FGD6: variants seen among roughly 807,000 people sequenced by gnomAD.
FGD6 encodes the protein FYVE, RhoGEF and PH domain-containing protein 6.
A neutral mutation model predicts 149.4 loss-of-function variants in FGD6; 90 were observed. That is an observed-to-expected ratio of 0.60 (90% CI 0.51 to 0.72). FGD6 has a LOEUF of 0.72. Ranked by LOEUF, FGD6 falls within the 30% of genes least tolerant of loss-of-function variation. The pLI, the probability that FGD6 is intolerant of heterozygous loss-of-function variation, is 0.00. For synonymous variants in FGD6, 527 were observed against 584.0 expected (o/e 0.90, Z 1.41); for missense variants, 1,437 against 1,684.8 (o/e 0.85, Z 2.57).
chr12:95,211,104 C>T lies in FGD6; in HGVS notation c.180G>A (p.Lys60=). The T allele has an allele frequency of 6.2e-7, 1 of 1,614,182 alleles. No homozygotes were observed. Among genetic ancestry groups the T allele is most frequent in the Non-Finnish European group, 8.5e-7 (1 of 1,180,032 alleles). Residue 60 remains lysine, a synonymous_variant, in exon 2 of 21, where the codon AAG becomes AAA. Coordinates refer to ENST00000343958, the MANE Select transcript of FGD6 (RefSeq NM_018351.4). ...PAIAPKPKVL[K]TSPVREIGQS... ...GCCCAATCTCTCGAACAGGTGAGGT[C>T]TTCAGGACTTTTGGTTTTGGGGCTA... is the stretch of plus-strand genomic sequence containing the variant.
chr12:95,152,890 G>C lies in FGD6; in HGVS notation c.2654+36C>G, dbSNP rs201396217. ...AATGTTTTAAATGTGCCAATGGGGG[G>C]AAAACAGTCTTCTGAATTGTAAACT... is the stretch of plus-strand genomic sequence containing the variant. On this transcript the variant is annotated intron_variant, in intron 4 of 20. Coordinates refer to ENST00000343958, the MANE Select transcript of FGD6 (RefSeq NM_018351.4). 3.8e-5 allele frequency: 62 copies of C among 1,613,334 alleles called. No individual in the cohort carries two copies. The African/African-American group carries it at 7.1e-4, about 18-fold the overall frequency.
intron 6 of FGD6, among the ~76,000 whole-genome samples, chr12:95,140,961 A>G (rs1012254851): frequency 6.6e-6 from 1 of 152,118 alleles, no homozygotes; most frequent in East Asian, 1.9e-4. Context: ...ATGGTGGCTC[A>G]CACCTGTAAT....
At chr12:95,083,030 T>TATATAC (rs772685891) in intron 20 of FGD6, among the ~76,000 whole-genome samples, 44 of 56,332 alleles carry the variant, frequency 7.8e-4, no homozygotes, top group South Asian at 3.6e-3. Context: ...TATATATATA[T>TATATAC]ACACACACAT....
In FGD6 at chr12:95,113,687, G is replaced by T. The variant is rs1878910568; in HGVS notation, c.3097C>A (p.Leu1033Ile). The change falls in exon 9 of 21, where the codon CTC becomes ATC. Residue 1033 changes from leucine (L) to isoleucine (I), a missense_variant. Transcript: ENST00000343958. The part of the protein sequence containing the change: ...RLLLTDYLKN[L>I]IEDAGDYRDT... Reference sequence around the variant, plus strand: ...CTGTAATCTCCAGCATCTTCTATGAGATTCTTCAAATAATCTAGAAAAGAA... The same window carrying T: ...CTGTAATCTCCAGCATCTTCTATGATATTCTTCAAATAATCTAGAAAAGAA... The T allele has an allele frequency of 6.3e-7, 1 of 1,591,816 alleles. No homozygotes were observed. Among genetic ancestry groups the T allele is most frequent in the South Asian group, 1.1e-5 (1 of 87,884 alleles).
intron 5 of FGD6, among the ~76,000 whole-genome samples, chr12:95,148,489 TATATA>T (rs1450539683): frequency 5.6e-5 from 8 of 142,018 alleles, no homozygotes; most frequent in Non-Finnish European, 7.5e-5. Context: ...TCCAAATATA[TATATA>T]ATATAATATA....
At chr12:95,137,935 A>G (rs1879722566) in intron 6 of FGD6, among the ~76,000 whole-genome samples, 2 of 152,008 alleles carry the variant, frequency 1.3e-5, no homozygotes, top group African/African-American at 4.8e-5. Flanking sequence ...AAAAATGTTT[A>G]CCATGGCTGG....
chr12:95,189,363 T>C (rs956238880), intron 2 of FGD6: 1 of 152,168 alleles, frequency 6.6e-6, no homozygotes, highest in Non-Finnish European at 1.5e-5. Context: ...CAAGAGTCAA[T>C]CTAGCTGGGT....
Position 95,080,947 on chromosome 12 carries a change from T to G in FGD6, c.*573A>C, listed in dbSNP as rs1445116000. ...GAGGTACCTAACAACAGAAATACTT[T>G]AGATAATTTACTGAAATTTCAGTTC... On this transcript the variant is annotated 3_prime_UTR_variant, in exon 21 of 21. Coordinates refer to ENST00000343958, the MANE Select transcript of FGD6 (RefSeq NM_018351.4). 1 of 152,212 alleles carries G rather than the reference T, an allele frequency of 6.6e-6. No individual in the cohort carries two copies. Among genetic ancestry groups the G allele is most frequent in the Non-Finnish European group, 1.5e-5 (1 of 68,032 alleles). 9.4% of individuals were successfully genotyped at this position (152,212 alleles called of 1,614,324 possible).
At chr12:95,151,576 G>A (rs1880311024) in intron 5 of FGD6, among the ~76,000 whole-genome samples, 1 of 152,068 alleles carries the variant, frequency 6.6e-6, no homozygotes, top group Admixed American at 6.6e-5. Flanking sequence ...CCAGGCCCCT[G>A]GGTTTCTGTT....
intron 5 of FGD6, among the ~76,000 whole-genome samples, chr12:95,144,366 G>C (rs906074911): frequency 6.6e-6 from 1 of 152,040 alleles, no homozygotes; most frequent in Non-Finnish European, 1.5e-5. Context: ...TAAGAATTTT[G>C]AGAGTATATA....
intron 3 of FGD6, among the ~76,000 whole-genome samples, chr12:95,171,129 C>T (rs1880976968): frequency 1.3e-5 from 2 of 152,140 alleles, no homozygotes. Context: ...TAAAATGGTA[C>T]TCTTTAGTCC....
At chr12:95,165,815 C>G (rs1405825234) in intron 3 of FGD6, among the ~76,000 whole-genome samples, 3 of 150,890 alleles carry the variant, frequency 2.0e-5, no homozygotes, top group Non-Finnish European at 3.0e-5. Context: ...TTTTTTGTGT[C>G]TGTTTTTTTT....
At chr12:95,182,929 A>G (rs907932505) in intron 2 of FGD6, among the ~76,000 whole-genome samples, 3 of 152,228 alleles carry the variant, frequency 2.0e-5, no homozygotes, top group Non-Finnish European at 2.9e-5. Context: ...TGTCAGCTGT[A>G]CACACCCCTT....
At chr12:95,146,851 G>A (rs1405800582) in intron 5 of FGD6, among the ~76,000 whole-genome samples, 2 of 150,774 alleles carry the variant, frequency 1.3e-5, no homozygotes, top group Non-Finnish European at 3.0e-5. Context: ...TGGCCAGCTC[G>A]AATCACTTAG....
intron 8 of FGD6, among the ~76,000 whole-genome samples, chr12:95,114,493 C>CACACACACACACACGT (rs1555217714): frequency 7.0e-5 from 10 of 142,924 alleles, no homozygotes; most frequent in Non-Finnish European, 1.2e-4. Context: ...CACACACACA[C>CACACACACACACACGT]GTCAGACGTG....
chr12:95,212,692 G>A (rs538498119), intron 1 of FGD6, among the ~76,000 whole-genome samples: 3 of 152,152 alleles, frequency 2.0e-5, no homozygotes, highest in East Asian at 1.9e-4. Context: ...ACTGCTGGAC[G>A]TTGTTTAATT....
intron 2 of FGD6, among the ~76,000 whole-genome samples, chr12:95,174,725 G>A (rs1258715187): frequency 2.0e-5 from 3 of 151,938 alleles, no homozygotes; most frequent in Admixed American, 2.0e-4. Flanking sequence ...TCAGGAGATC[G>A]AGACCATCCT....
At chr12:95,201,585 T>C (rs1294616055) in intron 2 of FGD6, among the ~76,000 whole-genome samples, 6 of 152,200 alleles carry the variant, frequency 3.9e-5, no homozygotes, top group African/African-American at 1.4e-4. Flanking sequence ...GATTGTCTGA[T>C]TACCTTTATA....
At chr12:95,177,875 G>A (rs1181050800) in intron 2 of FGD6, among the ~76,000 whole-genome samples, 1 of 151,292 alleles carries the variant, frequency 6.6e-6, no homozygotes, top group Non-Finnish European at 1.5e-5. Context: ...CACTGTCACA[G>A]TAAAACCATG....
Sources: gnomAD v4.1 joint callset for allele counts (sites outside exome capture counted in the v4.1 genomes callset) on GRCh38, gnomAD v4.1.1 for gene constraint, MANE v1.5 for transcripts, NCBI Gene and HGNC (gene_info 2026-07-23, HGNC 2026-07-21) for gene names.